DPYD: variants seen among roughly 807,000 people sequenced by gnomAD.
DPYD encodes dihydropyrimidine dehydrogenase, also known as dihydropyrimidine dehydrogenase [NADP(+)].
DPYD carries 109 observed loss-of-function variants against 116.2 expected under a neutral mutation model. The observed-to-expected ratio is 0.94, with a 90% CI of 0.80 to 1.10. The LOEUF (loss-of-function observed/expected upper bound fraction) is 1.10. Ranked by LOEUF, DPYD falls within the 50% of genes least tolerant of loss-of-function variation. The pLI, the probability that DPYD is intolerant of heterozygous loss-of-function variation, is 0.00. For missense variants in DPYD, 1,302 were observed against 1,254.5 expected, an observed-to-expected ratio of 1.04 and a Z score of -0.57; for synonymous variants, 440 against 432.0, an observed-to-expected ratio of 1.02 and a Z score of -0.23.
intron 1 of DPYD, among the ~76,000 whole-genome samples, chr1:97,909,404 T>C (rs1007398960): frequency 1.3e-5 from 2 of 152,156 alleles, no homozygotes; most frequent in African/African-American, 2.4e-5. Context: ...CCTTAATATA[T>C]GTACCTGCTC....
chr1:97,730,416 A>AT (rs1165008391), intron 4 of DPYD, among the ~76,000 whole-genome samples: 3 of 151,772 alleles, frequency 2.0e-5, no homozygotes. Context: ...TAGAGACAGG[A>AT]TTTTTCCATG....
At chr1:97,515,005 C>A (rs961215078) in intron 13 of DPYD, among the ~76,000 whole-genome samples, 13 of 151,824 alleles carry the variant, frequency 8.6e-5, no homozygotes, top group African/African-American at 2.9e-4. Flanking sequence ...GTATTAAATA[C>A]ATTGAGAGGT....
At chr1:97,621,113 A>C (rs1453637459) in intron 8 of DPYD, among the ~76,000 whole-genome samples, 1 of 152,132 alleles carries the variant, frequency 6.6e-6, no homozygotes, top group Non-Finnish European at 1.5e-5. Flanking sequence ...ACTATTTTGG[A>C]GACTCATCAA....
intron 8 of DPYD, among the ~76,000 whole-genome samples, chr1:97,601,544 T>C (rs1173147030): frequency 6.6e-6 from 1 of 151,976 alleles, no homozygotes; most frequent in African/African-American, 2.4e-5. Context: ...GAGATTACAA[T>C]ATGGAAGTAA....
At chr1:97,692,073 C>T (rs1020265133) in intron 6 of DPYD, among the ~76,000 whole-genome samples, 3 of 151,878 alleles carry the variant, frequency 2.0e-5, no homozygotes, top group Middle Eastern at 3.2e-3. Context: ...AAAGCAATTT[C>T]AATACTTTTA....
chr1:97,516,898 C>A (rs567833552), intron 12 of DPYD, among the ~76,000 whole-genome samples: 1 of 152,154 alleles, frequency 6.6e-6, no homozygotes, highest in East Asian at 1.9e-4. Context: ...GATGAATTTT[C>A]TCAGCCAAAG....
At chr1:97,558,108 G>C (rs1284905095) in intron 11 of DPYD, among the ~76,000 whole-genome samples, 1 of 152,172 alleles carries the variant, frequency 6.6e-6, no homozygotes, top group Admixed American at 6.5e-5. Context: ...AAGAATTCTA[G>C]TCTTGGCTAG....
intron 14 of DPYD, among the ~76,000 whole-genome samples, chr1:97,397,124 T>G (rs185413826): frequency 8.5e-5 from 13 of 152,186 alleles, no homozygotes; most frequent in Admixed American, 3.9e-4. Context: ...GATGGCTTAT[T>G]ATTAATAAAT....
At chr1:97,234,738 A>T in intron 19 of DPYD, 114 bp downstream of exon 19, 2 of 1,302,536 alleles carry the variant, frequency 1.5e-6, no homozygotes, top group Non-Finnish European at 2.2e-6. Flanking sequence ...TTGATCCCAA[A>T]TGGCCTCCTT....
intron 19 of DPYD, among the ~76,000 whole-genome samples, chr1:97,212,311 A>G (rs1373358185): frequency 1.3e-5 from 2 of 152,154 alleles, no homozygotes; most frequent in Non-Finnish European, 2.9e-5. Context: ...GGAATTTTAT[A>G]ATAACAAATA....
At chr1:97,244,305 A>C (rs1378071964) in intron 18 of DPYD, among the ~76,000 whole-genome samples, 1 of 152,048 alleles carries the variant, frequency 6.6e-6, no homozygotes, top group Non-Finnish European at 1.5e-5. Context: ...AAAAGTGTTA[A>C]GATAATCCCT....
At chr1:97,773,592 C>T (rs989875563) in intron 3 of DPYD, among the ~76,000 whole-genome samples, 8 of 152,148 alleles carry the variant, frequency 5.3e-5, no homozygotes, top group Non-Finnish European at 1.2e-4. Context: ...CAGACACAGG[C>T]AGCTGGACAT....
In DPYD at chr1:97,093,651, C is replaced by A. The variant is rs547058252; in HGVS notation, c.2766+4838G>T. ...TGAAACGGCAATGCCATAGTTTGAACCTAGGCAGTGTGACAGAGTAGTCCC... is the reference window on the plus strand; with the variant it reads ...TGAAACGGCAATGCCATAGTTTGAAACTAGGCAGTGTGACAGAGTAGTCCC... On this transcript the variant is annotated intron_variant, in intron 21 of 22. Coordinates refer to ENST00000370192, the MANE Select transcript of DPYD (RefSeq NM_000110.4). 8.5e-5 allele frequency among the ~76,000 whole-genome samples: 13 copies of A among 152,278 alleles called. No homozygotes were observed. In the South Asian group the frequency reaches 2.5e-3, roughly 29 times the overall value.
chr1:97,819,964 C>T (rs1341445241), intron 3 of DPYD, among the ~76,000 whole-genome samples: 1 of 151,972 alleles, frequency 6.6e-6, no homozygotes, highest in Non-Finnish European at 1.5e-5. Context: ...TGCACACACA[C>T]AAATCTCTAA....
chr1:97,549,763 A>G lies in DPYD; in HGVS notation c.1340-19T>C, dbSNP rs1197209732. ...TCTTTTACTGAAAAAACAAGTGAAA[A>G]ACAATAGACAATCACTAGTCAACAG... On this transcript the variant is annotated intron_variant, in intron 11 of 22. Coordinates refer to ENST00000370192, the MANE Select transcript of DPYD (RefSeq NM_000110.4). 1 of 1,602,674 alleles carries G rather than the reference A, an allele frequency of 6.2e-7. No homozygotes were observed. The highest frequency in any genetic ancestry group is 1.1e-5 in the South Asian group (1 of 90,628).
intron 5 of DPYD, among the ~76,000 whole-genome samples, chr1:97,719,377 A>C (rs1662795858): frequency 6.6e-6 from 1 of 151,894 alleles, no homozygotes; most frequent in Non-Finnish European, 1.5e-5. Flanking sequence ...AACAATTTTG[A>C]AAAATACCAT....
chr1:97,622,570 T>C (rs1365120995), intron 8 of DPYD, among the ~76,000 whole-genome samples: 1 of 152,036 alleles, frequency 6.6e-6, no homozygotes, highest in Non-Finnish European at 1.5e-5. Context: ...CTAGCAAATG[T>C]GTGGACCTTA....
intron 2 of DPYD, among the ~76,000 whole-genome samples, chr1:97,859,447 T>G (rs1671007545): frequency 6.6e-6 from 1 of 152,180 alleles, no homozygotes; most frequent in African/African-American, 2.4e-5. Flanking sequence ...GCCCTTTGTT[T>G]CGGGTTAAAA....
chr1:97,751,460 G>GTATATA (rs1553233231), intron 3 of DPYD, among the ~76,000 whole-genome samples: 1,290 of 21,166 alleles, frequency 0.061, 129 homozygotes, highest in Non-Finnish European at 0.082. Flanking sequence ...GTGTGTGTGT[G>GTATATA]TATATATATA....
Sources: allele counts gnomAD v4.1 joint callset (sites outside exome capture counted in the v4.1 genomes callset), GRCh38; gene constraint gnomAD v4.1.1; transcripts MANE v1.5; gene names NCBI Gene and HGNC (gene_info 2026-07-23, HGNC 2026-07-21).